The following SUMF1 variants were observed in gnomAD, a reference collection of about 807,000 sequenced individuals.
SUMF1 encodes the protein sulfatase modifying factor 1.
A neutral mutation model predicts 47.6 loss-of-function variants in SUMF1; 48 were observed. The observed-to-expected ratio is 1.01, with a 90% CI of 0.80 to 1.28. The LOEUF (loss-of-function observed/expected upper bound fraction) is 1.28. Among genes scored for constraint, SUMF1 ranks in the 50% most tolerant of loss-of-function variants. The probability of loss-of-function intolerance (pLI) is 0.00; values close to 1 mark genes in which losing one functional copy is unlikely to be tolerated. For missense variants in SUMF1, 571 were observed against 485.4 expected (o/e 1.18, Z -1.66); for synonymous variants, 230 against 192.1 (o/e 1.20, Z -1.63).
chr3:4,288,805 A>G (rs1476531496), intron 8 of SUMF1, among the ~76,000 whole-genome samples: 2 of 29,484 alleles, frequency 6.8e-5, no homozygotes, highest in African/African-American at 2.0e-4. Context: ...CTCTGTCTAG[A>G]AAAAAAAAAA....
chr3:4,165,142 C>G (rs146287973), intron 8 of SUMF1, among the ~76,000 whole-genome samples: 4,782 of 152,156 alleles, frequency 0.031, 281 homozygotes, highest in African/African-American at 0.11. Context: ...ACTAAGATAC[C>G]AGGTATCTCC....
intron 8 of SUMF1, among the ~76,000 whole-genome samples, chr3:4,128,375 C>T (rs1693707441): frequency 6.6e-6 from 1 of 152,116 alleles, no homozygotes; most frequent in Admixed American, 6.6e-5. Flanking sequence ...AGTTTGTAAA[C>T]TCTGATAAAC....
chr3:4,260,135 G>A (rs1376531739), intron 8 of SUMF1, among the ~76,000 whole-genome samples: 3 of 152,048 alleles, frequency 2.0e-5, no homozygotes, highest in African/African-American at 7.2e-5. Context: ...AGATCATCAG[G>A]GTGAAAATCA....
At chr3:4,434,422 T>C (rs575531518) in intron 3 of SUMF1, among the ~76,000 whole-genome samples, 1 of 152,354 alleles carries the variant, frequency 6.6e-6, no homozygotes, top group East Asian at 1.9e-4. Context: ...TTTCAAAACA[T>C]CATTGTAGCT....
chr3:4,292,343 C>A (rs560605520), intron 8 of SUMF1, among the ~76,000 whole-genome samples: 35 of 152,192 alleles, frequency 2.3e-4, no homozygotes, highest in Admixed American at 6.5e-4. Flanking sequence ...GGAATTTCTA[C>A]TTCAGTGTTG....
At chr3:4,043,466 G>C (rs1209044627) in intron 9 of SUMF1, among the ~76,000 whole-genome samples, 1 of 151,966 alleles carries the variant, frequency 6.6e-6, no homozygotes, top group Non-Finnish European at 1.5e-5. Flanking sequence ...TTTACCACCT[G>C]TCCCCAATTC....
At chr3:4,316,704 C>T (rs1002756943) in intron 8 of SUMF1, 22 of 1,550,820 alleles carry the variant, frequency 1.4e-5, no homozygotes, top group Admixed American at 7.9e-5. Context: ...ATATGACAAC[C>T]GGCGACGATC....
chr3:4,152,121 G>A (rs1179323702), intron 8 of SUMF1, among the ~76,000 whole-genome samples: 1 of 151,478 alleles, frequency 6.6e-6, no homozygotes, highest in Non-Finnish European at 1.5e-5. Context: ...GGATCATACA[G>A]AAGCACTACA....
intron 8 of SUMF1, among the ~76,000 whole-genome samples, chr3:4,127,461 A>G (rs1313350194): frequency 6.6e-6 from 1 of 152,150 alleles, no homozygotes; most frequent in East Asian, 1.9e-4. Flanking sequence ...GCTGCCAGTA[A>G]GGCTAGAATA....
intron 8 of SUMF1, among the ~76,000 whole-genome samples, chr3:4,268,486 A>G (rs1697242299): frequency 6.6e-6 from 1 of 151,258 alleles, no homozygotes; most frequent in African/African-American, 2.4e-5. Context: ...ACATAGTAAA[A>G]TAAAATGTTT....
chr3:4,241,714 T>A (rs192403901), intron 8 of SUMF1, among the ~76,000 whole-genome samples: 1 of 152,122 alleles, frequency 6.6e-6, no homozygotes, highest in Non-Finnish European at 1.5e-5. Flanking sequence ...ACCAAGGGAA[T>A]TGAGGAAACA....
At chr3:4,194,341 C>G (rs1299046404) in intron 8 of SUMF1, among the ~76,000 whole-genome samples, 2 of 152,128 alleles carry the variant, frequency 1.3e-5, no homozygotes, top group Non-Finnish European at 2.9e-5. Context: ...CTGGCAATGA[C>G]TGGGCAGGCA....
chr3:4,263,944 C>A (rs1047285651), intron 8 of SUMF1, among the ~76,000 whole-genome samples: 12 of 152,280 alleles, frequency 7.9e-5, no homozygotes, highest in East Asian at 3.9e-4. Flanking sequence ...AGAAGATAGA[C>A]TTGTTCCTCT....
chr3:4,438,075 T>C lies in SUMF1; in HGVS notation c.519+11191A>G, dbSNP rs150487041. Among the ~76,000 whole-genome samples, 265 of 152,170 alleles carry C rather than the reference T, an allele frequency of 1.7e-3. 3 individuals carry two copies. Among genetic ancestry groups the C allele is most frequent in the African/African-American group, 6.2e-3 (256 of 41,542 alleles). On this transcript the variant is annotated intron_variant, in intron 3 of 8. Coordinates refer to ENST00000272902, the MANE Select transcript of SUMF1 (RefSeq NM_182760.4). ...AAAATAGACTTTAAGATAAAAATCA[T>C]TATCAAAGTAAAAGAGAATCTCTAT...
At chr3:4,116,213 A>T (rs1346193726) in intron 8 of SUMF1, among the ~76,000 whole-genome samples, 1 of 152,086 alleles carries the variant, frequency 6.6e-6, no homozygotes, top group African/African-American at 2.4e-5. Context: ...TAGAAGAGGG[A>T]TCAACCCAGG....
Position 4,045,820 on chromosome 3 carries a change from A to G in SUMF1, c.1191+22749T>C, listed in dbSNP as rs1017646604. Among the ~76,000 whole-genome samples, 3 of 152,318 alleles carry G rather than the reference A, an allele frequency of 2.0e-5. No homozygotes were observed. In the South Asian group the frequency reaches 6.2e-4, roughly 32 times the overall value. On this transcript the variant is annotated intron_variant and NMD_transcript_variant, in intron 9 of 12. Coordinates refer to the SUMF1 transcript ENST00000448413. ...AACTTGAGACAGAGTCTGCAGGGAT[A>G]GGTATCAGAAGTCAAGTCTAAAGTA... is the stretch of plus-strand genomic sequence containing the variant.
At chr3:4,365,614 G>A (rs1266544275) in intron 8 of SUMF1, among the ~76,000 whole-genome samples, 1 of 145,760 alleles carries the variant, frequency 6.9e-6, no homozygotes, top group East Asian at 2.0e-4. Flanking sequence ...GTGTGTCTCT[G>A]CACGTGAGAT....
At chr3:4,448,833 T>C (rs1385680853) in intron 3 of SUMF1, among the ~76,000 whole-genome samples, 1 of 152,244 alleles carries the variant, frequency 6.6e-6, no homozygotes, top group East Asian at 1.9e-4. Flanking sequence ...TCTTGAGTGC[T>C]ACTCTGATCC....
intron 7 of SUMF1, among the ~76,000 whole-genome samples, chr3:4,398,938 G>A (rs147018168): frequency 3.4e-3 from 515 of 152,286 alleles, no homozygotes; most frequent in Non-Finnish European, 5.7e-3. Context: ...TAACAAGTCT[G>A]GGGATCAGAA....
Sources: allele counts gnomAD v4.1 joint callset (sites outside exome capture counted in the v4.1 genomes callset), GRCh38; gene constraint gnomAD v4.1.1; transcripts MANE v1.5; gene names NCBI Gene and HGNC (gene_info 2026-07-23, HGNC 2026-07-21).